CYRIA: variants seen among roughly 807,000 people sequenced by gnomAD.
CYRIA encodes the protein CYFIP related Rac1 interactor A.
CYRIA carries 15 observed loss-of-function variants against 43.9 expected under a neutral mutation model. That is an observed-to-expected ratio of 0.34 (90% CI 0.23 to 0.53). CYRIA has a LOEUF of 0.53. Among genes scored for constraint, CYRIA ranks in the 20% least tolerant of loss-of-function variants. The probability of loss-of-function intolerance (pLI) is 0.94; values close to 1 mark genes in which losing one functional copy is unlikely to be tolerated. For synonymous variants in CYRIA, 117 were observed against 136.0 expected, an observed-to-expected ratio of 0.86 and a Z score of 0.97; for missense variants, 236 against 394.2, an observed-to-expected ratio of 0.60 and a Z score of 3.40.
In CYRIA at chr2:16,561,472, C is replaced by T. The variant is rs1666730392; in HGVS notation, c.497G>A (p.Arg166His). ...SYYRRTISRNRINNMHLDIEN... is the reference protein window; with the variant it reads ...SYYRRTISRNHINNMHLDIEN... ...GGGACTCACGTGCATGTTGTTGATG[C>T]GGTTGCGACTGATTGTTCTTCTGTA... Residue 166 changes from arginine (R) to histidine (H), a missense_variant, in exon 7 of 12, where the codon CGC (arginine) becomes CAC (histidine). Arg to His is a conservative substitution (Grantham distance 29). Coordinates refer to ENST00000381323, the MANE Select transcript of CYRIA (RefSeq NM_030797.4). 3.7e-6 allele frequency: 6 copies of T among 1,613,592 alleles called. No homozygotes were observed. The highest frequency in any genetic ancestry group is 5.1e-6 in the Non-Finnish European group (6 of 1,179,752).
intron 1 of CYRIA, among the ~76,000 whole-genome samples, chr2:16,660,179 A>T (rs528489750): frequency 2.8e-4 from 43 of 152,312 alleles, no homozygotes; most frequent in African/African-American, 1.0e-3. Context: ...TATTAGAATC[A>T]TCAGGCTAGA....
chr2:16,574,311 C>A (rs1002763664), intron 3 of CYRIA, among the ~76,000 whole-genome samples: 1 of 152,174 alleles, frequency 6.6e-6, no homozygotes, highest in African/African-American at 2.4e-5. Context: ...CTGCTAAAGA[C>A]ATTCAGTTTT....
At chr2:16,662,464 G>A (rs1018667546) in intron 1 of CYRIA, among the ~76,000 whole-genome samples, 1 of 152,224 alleles carries the variant, frequency 6.6e-6, no homozygotes, top group Non-Finnish European at 1.5e-5. Flanking sequence ...TTCAACCACA[G>A]TTAAGACAAA....
chr2:16,565,239 G>A (rs1188788507), intron 4 of CYRIA, among the ~76,000 whole-genome samples: 5 of 150,668 alleles, frequency 3.3e-5, no homozygotes, highest in African/African-American at 7.4e-5. Context: ...GCAATGGTGC[G>A]ATGTGCAACC....
At chr2:16,560,212 G>A (rs1001008748) in intron 9 of CYRIA, among the ~76,000 whole-genome samples, 3 of 152,070 alleles carry the variant, frequency 2.0e-5, no homozygotes, top group Non-Finnish European at 2.9e-5. Context: ...TTATGAATTG[G>A]CTCTGCAATG....
Position 16,557,583 on chromosome 2 carries a change from A to T in CYRIA, c.837+1877T>A, listed in dbSNP as rs912044877. Among the ~76,000 whole-genome samples, 5 of 152,248 alleles carry T rather than the reference A, an allele frequency of 3.3e-5. No homozygotes were observed. In the East Asian group the frequency reaches 9.7e-4, roughly 29 times the overall value. On this transcript the variant is annotated intron_variant, in intron 10 of 11. Coordinates refer to ENST00000381323, the MANE Select transcript of CYRIA (RefSeq NM_030797.4). ...CCATCTCAAATGGTTTACCGTGCTT[A>T]TTAAGCCTGAAACTTTCTTAGAGGT...
At chr2:16,619,747 T>A (rs928152643) in intron 2 of CYRIA, among the ~76,000 whole-genome samples, 1 of 152,170 alleles carries the variant, frequency 6.6e-6, no homozygotes, top group African/African-American at 2.4e-5. Flanking sequence ...TACTAATGGA[T>A]TTTTGAAAAG....
At chr2:16,590,892 A>G (rs906030207) in intron 2 of CYRIA, among the ~76,000 whole-genome samples, 4 of 152,136 alleles carry the variant, frequency 2.6e-5, no homozygotes, top group Non-Finnish European at 5.9e-5. Flanking sequence ...AAGGTTGATA[A>G]GAATTCATGG....
At chr2:16,586,321 T>C (rs1667726976) in intron 3 of CYRIA, among the ~76,000 whole-genome samples, 1 of 152,128 alleles carries the variant, frequency 6.6e-6, no homozygotes, top group Non-Finnish European at 1.5e-5. Context: ...GGTGGCAAGA[T>C]ATAGATAATT....
At position 16,650,009 on chromosome 2, in the gene CYRIA, T is replaced by TCATGAG; in HGVS notation, c.-167+15765_-167+15770dup. On this transcript the variant is annotated intron_variant, in intron 1 of 11. Coordinates refer to ENST00000381323, the MANE Select transcript of CYRIA (RefSeq NM_030797.4). This position sits in a 1 kb window ranked among gnomAD's most constrained non-coding sequence, Gnocchi z 4.1. ...CTGCCACCTTGCTCGATCGCTTCTG[T>TCATGAG]CATGAGCATGACACATTCCAAGAAG... is the stretch of plus-strand genomic sequence containing the variant. Among the ~76,000 whole-genome samples, 1 of 152,242 alleles carries TCATGAG rather than the reference T, an allele frequency of 6.6e-6. No individual in the cohort carries two copies. The highest frequency in any genetic ancestry group is 1.9e-4 in the East Asian group (1 of 5,184).
At chr2:16,574,744 G>C (rs1667268909) in intron 3 of CYRIA, among the ~76,000 whole-genome samples, 2 of 152,178 alleles carry the variant, frequency 1.3e-5, no homozygotes, top group Non-Finnish European at 2.9e-5. Context: ...CTGAGGTTTG[G>C]GAATCTCCAG....
At position 16,608,470 on chromosome 2, in the gene CYRIA, T is replaced by C. The variant is rs139402778; in HGVS notation, c.-11+15394A>G. ...TTTTAAGATCGCAAATTTCAGTTTA[T>C]AGATGGCCAAGTGGAATGAGGACGG... On this transcript the variant is annotated intron_variant, in intron 2 of 11. Transcript: ENST00000381323. Among the ~76,000 whole-genome samples the C allele has an allele frequency of 1.9e-4, 29 of 152,236 alleles. No homozygotes were observed. In the East Asian group the frequency reaches 5.6e-3, roughly 29 times the overall value.
intron 3 of CYRIA, among the ~76,000 whole-genome samples, chr2:16,582,219 G>A (rs1281404421): frequency 3.9e-5 from 6 of 152,122 alleles, no homozygotes; most frequent in Admixed American, 1.3e-4. Flanking sequence ...AATTTAAAAA[G>A]TGGAGTTACC....
rs888216657 is a variant in CYRIA at position 16,550,218 on chromosome 2, C to T, written c.*2718G>A. On this transcript the variant is annotated 3_prime_UTR_variant, in exon 12 of 12. Coordinates refer to ENST00000381323, the MANE Select transcript of CYRIA (RefSeq NM_030797.4). ...GTTAACAATGACATTGACACTGTTG[C>T]TAGCACTTTCCCCTAAACCACCCGT... The T allele has an allele frequency of 1.3e-5, 2 of 151,630 alleles. No individual in the cohort carries two copies. Among genetic ancestry groups the T allele is most frequent in the African/African-American group, 4.9e-5 (2 of 41,236 alleles). The allele number at this position is 151,630 out of a possible 1,614,324, so 9.4% of individuals were successfully genotyped here. A position where few individuals can be genotyped will look rare whatever the true frequency, so the allele number is the denominator to read the frequency against.
intron 1 of CYRIA, among the ~76,000 whole-genome samples, chr2:16,627,533 T>C (rs958079656): frequency 6.6e-6 from 1 of 152,204 alleles, no homozygotes. Context: ...ATTGTCCCCT[T>C]TTACAGAAGA....
At chr2:16,593,920 T>C (rs1472178565) in intron 2 of CYRIA, among the ~76,000 whole-genome samples, 1 of 128,342 alleles carries the variant, frequency 7.8e-6, no homozygotes, top group African/African-American at 2.9e-5. Flanking sequence ...ATATTCCCCT[T>C]CCTGTGTCCA....
intron 3 of CYRIA, among the ~76,000 whole-genome samples, chr2:16,575,199 C>G (rs561226613): frequency 6.6e-6 from 1 of 152,266 alleles, no homozygotes; most frequent in African/African-American, 2.4e-5. Context: ...AATGCCTGTA[C>G]CCCTGTTGTA....
At chr2:16,645,897 G>A (rs1310766390) in intron 1 of CYRIA, among the ~76,000 whole-genome samples, 1 of 152,200 alleles carries the variant, frequency 6.6e-6, no homozygotes, top group Non-Finnish European at 1.5e-5. Context: ...CCTGTCCCCA[G>A]ATGATTTATT....
intron 1 of CYRIA, among the ~76,000 whole-genome samples, chr2:16,643,577 A>C (rs1669737391): frequency 6.6e-6 from 1 of 152,246 alleles, no homozygotes; most frequent in South Asian, 2.1e-4. Flanking sequence ...AATTGTGTAC[A>C]CGTTCCCTCT....
Sources: allele counts gnomAD v4.1 joint callset (sites outside exome capture counted in the v4.1 genomes callset), GRCh38; gene constraint gnomAD v4.1.1; non-coding constraint Gnocchi (gnomAD v3.1); transcripts MANE v1.5; gene names NCBI Gene and HGNC (gene_info 2026-07-23, HGNC 2026-07-21).